Variants in ATG7 observed in about 807,000 individuals in gnomAD.
ATG7 encodes ubiquitin-like modifier-activating enzyme ATG7.
A neutral mutation model predicts 82.4 loss-of-function variants in ATG7; 70 were observed. The ratio of observed to expected loss-of-function variants is 0.85; its 90% CI spans 0.70 to 1.04. The LOEUF is 1.04. Among genes scored for constraint, ATG7 ranks in the 50% least tolerant of loss-of-function variants. The pLI is 0.00. For synonymous variants in ATG7, 287 were observed against 313.0 expected, an observed-to-expected ratio of 0.92 and a Z score of 0.88; for missense variants, 792 against 864.3, an observed-to-expected ratio of 0.92 and a Z score of 1.05.
chr3:11,495,021 G>A (rs879879983), intron 20 of ATG7, among the ~76,000 whole-genome samples: 3 of 152,016 alleles, frequency 2.0e-5, no homozygotes, highest in African/African-American at 7.3e-5. Flanking sequence ...GCAGTGAGCC[G>A]AGATTGCACC....
At chr3:11,441,886 G>C (rs1449526602) in intron 20 of ATG7, among the ~76,000 whole-genome samples, 1 of 151,396 alleles carries the variant, frequency 6.6e-6, no homozygotes, top group African/African-American at 2.4e-5. Context: ...AGCTGGTCTT[G>C]AACTCTTGAC....
At chr3:11,343,005 C>T (rs1953911491) in intron 13 of ATG7, among the ~76,000 whole-genome samples, 1 of 151,880 alleles carries the variant, frequency 6.6e-6, no homozygotes, top group African/African-American at 2.4e-5. Flanking sequence ...TCTCAGCTCA[C>T]TGCAACCTCC....
chr3:11,528,213 A>G (rs2092623933), intron 20 of ATG7, among the ~76,000 whole-genome samples: 1 of 152,224 alleles, frequency 6.6e-6, no homozygotes, highest in African/African-American at 2.4e-5. Context: ...ATAGCCTGCA[A>G]CAATATTGAC....
chr3:11,465,295 A>G (rs779263441), intron 20 of ATG7, among the ~76,000 whole-genome samples: 2 of 151,918 alleles, frequency 1.3e-5, no homozygotes, highest in Non-Finnish European at 2.9e-5. Context: ...AAATTCAAAA[A>G]TTAGCTGTGC....
intron 11 of ATG7, among the ~76,000 whole-genome samples, chr3:11,337,828 TTA>T (rs1952787593): frequency 6.6e-6 from 1 of 152,092 alleles, no homozygotes. Flanking sequence ...TAATTTGAAA[TTA>T]TGTCTTATTT....
At chr3:11,489,968 A>T (rs2090173846) in intron 20 of ATG7, among the ~76,000 whole-genome samples, 1 of 151,776 alleles carries the variant, frequency 6.6e-6, no homozygotes. Context: ...TTTGGGGTGG[A>T]GAGTTCTGTA....
At chr3:11,407,875 G>C (rs1362446483) in intron 19 of ATG7, among the ~76,000 whole-genome samples, 1 of 152,154 alleles carries the variant, frequency 6.6e-6, no homozygotes, top group African/African-American at 2.4e-5. Flanking sequence ...CTAGGCTTCA[G>C]GGCCTGTAGT....
At chr3:11,410,550 T>G (rs2080798772) in intron 19 of ATG7, among the ~76,000 whole-genome samples, 1 of 152,178 alleles carries the variant, frequency 6.6e-6, no homozygotes, top group South Asian at 2.1e-4. Flanking sequence ...TTCTTTTCTT[T>G]TATAGAACTG....
chr3:11,442,739 C>CCAAAAAAAAAAAAAA lies in ATG7; in HGVS notation c.2079+15813_2079+15814insCAAAAAAAAAAAAAA, dbSNP rs1553668928. On this transcript the variant is annotated intron_variant, in intron 20 of 20. Transcript: ENST00000693202. ...GCAGCATAGTGAGACTCCATCTCTA[C>CCAAAAAAAAAAAAAA]AAAAAAAAAAAAAAAAAAAAAAAAA... 8.2e-4 allele frequency among the ~76,000 whole-genome samples: 57 copies of CCAAAAAAAAAAAAAA among 69,248 alleles called. 19 individuals carry two copies. Among genetic ancestry groups the CCAAAAAAAAAAAAAA allele is most frequent in the East Asian group, 2.1e-3 (4 of 1,944 alleles). The allele number at this position is 69,248 out of a possible 152,430, so 45.4% of individuals were successfully genotyped here. A position where few individuals can be genotyped will look rare whatever the true frequency, so the allele number is the denominator to read the frequency against.
In ATG7 at chr3:11,469,756, C is replaced by T. The variant is rs545561490; in HGVS notation, c.2079+42830C>T. Among the ~76,000 whole-genome samples the T allele has an allele frequency of 1.1e-4, 16 of 151,624 alleles. No individual in the cohort carries two copies. The East Asian group carries it at 2.7e-3, about 26-fold the overall frequency. On this transcript the variant is annotated intron_variant, in intron 20 of 20. Coordinates refer to ENST00000693202, the MANE Select transcript of ATG7 (RefSeq NM_001349232.2). ...ATCCTAGCACTTTGGGAGGCTGAGG[C>T]GGGGTAGATCATTTGAGTTCAGGAG...
chr3:11,420,965 C>T (rs1476188681), intron 19 of ATG7, among the ~76,000 whole-genome samples: 1 of 152,050 alleles, frequency 6.6e-6, no homozygotes, highest in African/African-American at 2.4e-5. Flanking sequence ...CCGTGTTAGC[C>T]AGGATGGTCT....
At chr3:11,369,847 G>C (rs1212701247) in intron 18 of ATG7, among the ~76,000 whole-genome samples, 1 of 151,126 alleles carries the variant, frequency 6.6e-6, no homozygotes, top group Non-Finnish European at 1.5e-5. Context: ...CTGTTTAGGA[G>C]GTGCGTGTTT....
intron 3 of ATG7, among the ~76,000 whole-genome samples, chr3:11,284,709 TC>T (rs1197032322): frequency 6.6e-6 from 1 of 151,834 alleles, no homozygotes; most frequent in Non-Finnish European, 1.5e-5. Context: ...GCACCACCAC[TC>T]CATAATAATT....
Position 11,348,047 on chromosome 3 carries a change from C to A in ATG7, c.1284+12C>A. On this transcript the variant is annotated intron_variant, in intron 14 of 20. Transcript: ENST00000693202. ...TATTCCCCGGTGTGGTATGTTGTTG[C>A]TTTTGCAGAGGTTTTCTGTTATATG... The A allele has an allele frequency of 1.2e-6, 2 of 1,608,430 alleles. No homozygotes were observed. Among genetic ancestry groups the A allele is most frequent in the Non-Finnish European group, 1.7e-6 (2 of 1,176,380 alleles).
At chr3:11,544,539 T>C in intron 20 of ATG7, among the ~76,000 whole-genome samples, 1 of 152,164 alleles carries the variant, frequency 6.6e-6, no homozygotes, top group East Asian at 1.9e-4. Context: ...AGGGCGTCAG[T>C]GGCCTGGGAC....
At chr3:11,549,141 A>G (rs1465050843) in intron 20 of ATG7, among the ~76,000 whole-genome samples, 1 of 151,962 alleles carries the variant, frequency 6.6e-6, no homozygotes, top group East Asian at 1.9e-4. Context: ...CAGTTTGTTG[A>G]GTTGTGACAA....
intron 3 of ATG7, among the ~76,000 whole-genome samples, chr3:11,292,152 G>C (rs1945081078): frequency 1.3e-5 from 2 of 152,190 alleles, no homozygotes; most frequent in Admixed American, 6.5e-5. Context: ...TGCATGAGGA[G>C]CATGGGCTTC....
In ATG7 at chr3:11,360,730, C is replaced by T. The variant is rs1405285962; in HGVS notation, c.1629C>T (p.Ile543=). 1 of 1,614,172 alleles carries T rather than the reference C, an allele frequency of 6.2e-7. No individual in the cohort carries two copies. Among genetic ancestry groups the T allele is most frequent in the South Asian group, 1.1e-5 (1 of 91,088 alleles). Residue 543 remains isoleucine (I), a synonymous_variant, in exon 16 of 21, where the codon ATC becomes ATT. Coordinates refer to ENST00000693202, the MANE Select transcript of ATG7 (RefSeq NM_001349232.2). ...TGGGCTCATCGCTTTTTGCCAACAT[C>T]CCTGGTTACAAGCTTGGCTGCTACT... ...DLLGSSLFAN[I]PGYKLGCYFC... is the part of the protein sequence containing the mutation.
chr3:11,363,637 ATAAG>A (rs1174387400), intron 17 of ATG7, among the ~76,000 whole-genome samples: 1 of 152,232 alleles, frequency 6.6e-6, no homozygotes, highest in East Asian at 1.9e-4. Context: ...CATAGTGAGG[ATAAG>A]TAAGTGGCCA....
Sources: allele counts gnomAD v4.1 joint callset (sites outside exome capture counted in the v4.1 genomes callset), GRCh38; gene constraint gnomAD v4.1.1; transcripts MANE v1.5; gene names NCBI Gene and HGNC (gene_info 2026-07-23, HGNC 2026-07-21).